UNC13C: variants seen among roughly 807,000 people sequenced by gnomAD.
The protein encoded by UNC13C is unc-13 homolog C.
UNC13C carries 174 observed loss-of-function variants against 245.4 expected under a neutral mutation model. The ratio of observed to expected loss-of-function variants is 0.71; its 90% CI spans 0.63 to 0.80. The LOEUF (loss-of-function observed/expected upper bound fraction) is 0.80. Among genes scored for constraint, UNC13C ranks in the 30% least tolerant of loss-of-function variants. The pLI, the probability that UNC13C is intolerant of heterozygous loss-of-function variation, is 0.00. For synonymous variants in UNC13C, 992 were observed against 895.1 expected (o/e 1.11, Z -1.93); for missense variants, 2,829 against 2,602.9 (o/e 1.09, Z -1.89).
intron 30 of UNC13C, among the ~76,000 whole-genome samples, chr15:54,574,667 C>T (rs144051275): frequency 6.6e-6 from 1 of 152,238 alleles, no homozygotes; most frequent in African/African-American, 2.4e-5. Context: ...GAAGTTACAA[C>T]AGTTCCATAA....
At chr15:54,071,532 A>T (rs1282046619) in intron 2 of UNC13C, among the ~76,000 whole-genome samples, 1 of 152,162 alleles carries the variant, frequency 6.6e-6, no homozygotes, top group Non-Finnish European at 1.5e-5. Flanking sequence ...ATGAGACTCC[A>T]TATGATCAGT....
chr15:54,503,209 A>G (rs1036069692), intron 22 of UNC13C, among the ~76,000 whole-genome samples: 5 of 152,292 alleles, frequency 3.3e-5, no homozygotes, highest in African/African-American at 1.2e-4. Context: ...GATATAGTGT[A>G]AGAACAATGA....
chr15:54,464,949 C>T (rs1479357475), intron 19 of UNC13C, among the ~76,000 whole-genome samples: 1 of 151,180 alleles, frequency 6.6e-6, no homozygotes, highest in African/African-American at 2.4e-5. Flanking sequence ...TGTCTAGCCC[C>T]AATGATTATA....
intron 18 of UNC13C, among the ~76,000 whole-genome samples, chr15:54,400,267 T>G (rs2040155032): frequency 6.6e-6 from 1 of 152,018 alleles, no homozygotes; most frequent in South Asian, 2.1e-4. Context: ...AGAAGATTTT[T>G]TTTACATTGG....
intron 2 of UNC13C, among the ~76,000 whole-genome samples, chr15:54,130,778 C>T (rs2031369672): frequency 6.6e-6 from 1 of 152,096 alleles, no homozygotes; most frequent in Admixed American, 6.6e-5. Context: ...GTAGTTAATT[C>T]TTATCTCATG....
chr15:54,289,006 G>T (rs1263018405), intron 10 of UNC13C, among the ~76,000 whole-genome samples: 1 of 152,080 alleles, frequency 6.6e-6, no homozygotes, highest in Non-Finnish European at 1.5e-5. Flanking sequence ...AAAGGATGGT[G>T]CTGGAAAAGC....
chr15:54,355,907 A>G (rs1877247759), intron 17 of UNC13C, among the ~76,000 whole-genome samples: 1 of 152,178 alleles, frequency 6.6e-6, no homozygotes. Flanking sequence ...ATAGATGTAT[A>G]TATAGATATG....
At chr15:54,037,386 G>A (rs1001423114) in intron 2 of UNC13C, among the ~76,000 whole-genome samples, 6 of 152,076 alleles carry the variant, frequency 3.9e-5, no homozygotes, top group South Asian at 4.1e-4. Context: ...TTCTACAGCT[G>A]TAAAATTGCG....
At chr15:54,457,522 C>T (rs979369071) in intron 19 of UNC13C, among the ~76,000 whole-genome samples, 2 of 151,644 alleles carry the variant, frequency 1.3e-5, no homozygotes, top group African/African-American at 4.8e-5. Context: ...TTTTTTTTGG[C>T]AATTTTTTTA....
chr15:54,088,268 C>T (rs915189664), intron 2 of UNC13C, among the ~76,000 whole-genome samples: 10 of 138,540 alleles, frequency 7.2e-5, no homozygotes, highest in East Asian at 4.4e-4. Flanking sequence ...CTTTCATGGC[C>T]GTAATTTGTC....
chr15:54,458,722 G>T, intron 19 of UNC13C, among the ~76,000 whole-genome samples: 1 of 105,392 alleles, frequency 9.5e-6, no homozygotes, highest in Non-Finnish European at 1.8e-5. Context: ...AGCTACTCCT[G>T]CTCACTTTTG....
intron 30 of UNC13C, among the ~76,000 whole-genome samples, chr15:54,571,060 G>C (rs1203920589): frequency 6.6e-6 from 1 of 152,148 alleles, no homozygotes; most frequent in Non-Finnish European, 1.5e-5. Flanking sequence ...TCCAATCAAT[G>C]GTAGGATCCA....
At position 54,533,150 on chromosome 15, in the gene UNC13C, G is replaced by A. The variant is rs567177631; in HGVS notation, c.5696+84G>A. ...TTTAAGAAAAACATTGTTTTCCTCTGTGTAAGGTAGCATTAAAAGTCTTTC... is the reference window on the plus strand; with the variant it reads ...TTTAAGAAAAACATTGTTTTCCTCTATGTAAGGTAGCATTAAAAGTCTTTC... On this transcript the variant is annotated intron_variant, in intron 26 of 32. Transcript: ENST00000260323. 353 of 1,003,406 alleles carry A rather than the reference G, an allele frequency of 3.5e-4. 2 individuals carry two copies. In the African/African-American group the frequency reaches 5.1e-3, roughly 14 times the overall value. The allele number at this position is 1,003,406 out of a possible 1,614,324, so 62.2% of individuals were successfully genotyped here. A position where few individuals can be genotyped will look rare whatever the true frequency, so the allele number is the denominator to read the frequency against.
At chr15:54,301,065 C>T (rs928093945) in intron 13 of UNC13C, among the ~76,000 whole-genome samples, 6 of 152,100 alleles carry the variant, frequency 3.9e-5, no homozygotes, top group African/African-American at 1.4e-4. Flanking sequence ...ATTACTTCCC[C>T]ATAGTTTCCT....
At chr15:54,087,375 G>C (rs537806556) in intron 2 of UNC13C, among the ~76,000 whole-genome samples, 2 of 152,302 alleles carry the variant, frequency 1.3e-5, no homozygotes, top group African/African-American at 4.8e-5. Flanking sequence ...CCCATTATCT[G>C]ACAGGACAGC....
Position 54,545,336 on chromosome 15 carries a change from A to G in UNC13C, c.5697-1386A>G, listed in dbSNP as rs536348300. Among the ~76,000 whole-genome samples the G allele has an allele frequency of 7.1e-3, 1,076 of 152,338 alleles. 10 individuals are homozygous for G. The highest frequency in any genetic ancestry group is 0.025 in the African/African-American group (1,026 of 41,576). On this transcript the variant is annotated intron_variant, in intron 26 of 32. Coordinates refer to ENST00000260323, the MANE Select transcript of UNC13C (RefSeq NM_001080534.3). Reference sequence around the variant, plus strand: ...AGACTTAAACCTAAGACCTAAAACCATAACATCCCTAGAAGAAAACCTAGG... The same window carrying G: ...AGACTTAAACCTAAGACCTAAAACCGTAACATCCCTAGAAGAAAACCTAGG...
At chr15:54,447,539 G>T (rs1041092039) in intron 19 of UNC13C, among the ~76,000 whole-genome samples, 5 of 152,176 alleles carry the variant, frequency 3.3e-5, no homozygotes, top group Non-Finnish European at 7.4e-5. Flanking sequence ...ATTTCTTCTA[G>T]ATTTTCTAGT....
At chr15:53,880,596 T>C in the UNC13C span, among the ~76,000 whole-genome samples, 2 of 152,160 alleles carry the variant, frequency 1.3e-5, no homozygotes, top group Admixed American at 1.3e-4. Flanking sequence ...TCCTGATGTA[T>C]TATAAGGATA....
At chr15:54,126,826 T>C (rs1188222020) in intron 2 of UNC13C, among the ~76,000 whole-genome samples, 2 of 152,112 alleles carry the variant, frequency 1.3e-5, no homozygotes, top group African/African-American at 4.8e-5. Context: ...AAAGGGCTAA[T>C]ACACAGAATC....
Sources: gnomAD v4.1 joint callset for allele counts (sites outside exome capture counted in the v4.1 genomes callset) on GRCh38, gnomAD v4.1.1 for gene constraint, MANE v1.5 for transcripts, NCBI Gene and HGNC (gene_info 2026-07-23, HGNC 2026-07-21) for gene names.